Variants in LINGO2 observed in about 807,000 individuals in gnomAD.
LINGO2 encodes leucine rich repeat and Ig domain containing 2, also known as leucine-rich repeat and immunoglobulin-like domain-containing nogo receptor-interacting protein 2.
LINGO2 carries 14 observed loss-of-function variants against 30.6 expected under a neutral mutation model. The observed-to-expected ratio is 0.46, with a 90% confidence interval of 0.30 to 0.72. LINGO2 has a LOEUF of 0.72. Ranked by LOEUF, LINGO2 falls within the 30% of genes least tolerant of loss-of-function variation. The probability of loss-of-function intolerance (pLI) is 0.07; values close to 1 mark genes in which losing one functional copy is unlikely to be tolerated. For synonymous variants in LINGO2, 317 were observed against 288.5 expected (o/e 1.10, Z -1.00); for missense variants, 729 against 751.7 (o/e 0.97, Z 0.35).
At chr9:28,479,568 A>T (rs984117145) in intron 1 of LINGO2, among the ~76,000 whole-genome samples, 1 of 151,914 alleles carries the variant, frequency 6.6e-6, no homozygotes, top group African/African-American at 2.4e-5. Context: ...CAATTTTGAA[A>T]GAATGAAATA....
chr9:27,993,768 T>C (rs913905078), intron 5 of LINGO2, among the ~76,000 whole-genome samples: 15 of 152,110 alleles, frequency 9.9e-5, no homozygotes, highest in African/African-American at 3.4e-4. Context: ...CATTTACCCC[T>C]AGTACCTAGT....
Position 28,550,502 on chromosome 9 carries a change from C to A in LINGO2, c.-364-74477G>T, listed in dbSNP as rs112701859. On this transcript the variant is annotated intron_variant, in intron 1 of 5. Transcript: ENST00000379992. ...TTTTGTCTACTTTTAATTCAATACA[C>A]TTCTTAAACATATTTATTTTATTAT... Among the ~76,000 whole-genome samples, 472 of 151,846 alleles carry A rather than the reference C, an allele frequency of 3.1e-3. 8 individuals carry two copies. The highest frequency in any genetic ancestry group is 0.011 in the African/African-American group (450 of 41,514).
intron 4 of LINGO2, among the ~76,000 whole-genome samples, chr9:28,119,971 C>T (rs1827046776): frequency 6.6e-6 from 1 of 152,106 alleles, no homozygotes; most frequent in South Asian, 2.1e-4. Flanking sequence ...TCCCAACATA[C>T]CTATTGTGGA....
intron 2 of LINGO2, among the ~76,000 whole-genome samples, chr9:28,445,687 T>G (rs528237111): frequency 2.6e-4 from 39 of 152,312 alleles, no homozygotes; most frequent in Non-Finnish European, 4.4e-5. Context: ...TCAGAGAAAC[T>G]TGAAGTAATA....
chr9:29,189,002 CG>C, the LINGO2 span, among the ~76,000 whole-genome samples: 2 of 139,220 alleles, frequency 1.4e-5, no homozygotes, highest in African/African-American at 2.9e-5. Context: ...GCTGGCCGGG[CG>C]GGGGGCTGAC....
At chr9:28,887,555 AT>A in the LINGO2 span, among the ~76,000 whole-genome samples, 3 of 152,114 alleles carry the variant, frequency 2.0e-5, no homozygotes, top group Admixed American at 6.6e-5. Context: ...ACCTTATTGC[AT>A]TCTAGTAAGA....
At chr9:29,179,131 C>T in the LINGO2 span, among the ~76,000 whole-genome samples, 3 of 137,988 alleles carry the variant, frequency 2.2e-5, no homozygotes, top group Non-Finnish European at 4.6e-5. Flanking sequence ...AGAAAAGTAA[C>T]GTGATAAAAT....
chr9:29,139,831 T>A, the LINGO2 span, among the ~76,000 whole-genome samples: 24 of 151,864 alleles, frequency 1.6e-4, no homozygotes, highest in African/African-American at 5.8e-4. Flanking sequence ...CCCAAGGAAA[T>A]AGTTTCTGTC....
intron 5 of LINGO2, among the ~76,000 whole-genome samples, chr9:27,959,275 C>T (rs149553820): frequency 2.2e-4 from 33 of 152,002 alleles, no homozygotes; most frequent in African/African-American, 7.7e-4. Flanking sequence ...AATTTCTGTT[C>T]TTATCCTTAT....
the LINGO2 span, among the ~76,000 whole-genome samples, chr9:28,690,341 C>A: frequency 6.6e-6 from 1 of 152,240 alleles, no homozygotes; most frequent in East Asian, 1.9e-4. Flanking sequence ...CTAAGATGTA[C>A]CCAGATTCCT....
upstream of LINGO2, among the ~76,000 whole-genome samples, chr9:28,670,789 T>A (rs548545147): frequency 6.6e-6 from 1 of 152,098 alleles, no homozygotes; most frequent in East Asian, 1.9e-4. Context: ...TAAGTTAATA[T>A]GCAATATGGT....
intron 3 of LINGO2, among the ~76,000 whole-genome samples, chr9:28,325,493 T>C (rs1414001769): frequency 2.0e-5 from 3 of 152,086 alleles, no homozygotes; most frequent in Non-Finnish European, 4.4e-5. Flanking sequence ...GCTCCCATAA[T>C]TCCCACTGTG....
chr9:28,140,579 G>A (rs141799002), intron 4 of LINGO2, among the ~76,000 whole-genome samples: 7 of 152,232 alleles, frequency 4.6e-5, no homozygotes, highest in African/African-American at 1.7e-4. Flanking sequence ...TCTCACTGAA[G>A]GCTATCTTCA....
the LINGO2 span, among the ~76,000 whole-genome samples, chr9:28,920,299 T>C: frequency 6.6e-6 from 1 of 151,140 alleles, no homozygotes; most frequent in Non-Finnish European, 1.5e-5. Flanking sequence ...ACTAGTATAA[T>C]ATATATATAT....
the LINGO2 span, among the ~76,000 whole-genome samples, chr9:29,167,505 A>G: frequency 6.6e-6 from 1 of 152,174 alleles, no homozygotes; most frequent in Non-Finnish European, 1.5e-5. Flanking sequence ...TTCCTACACC[A>G]GTCAGCAAAA....
At position 28,104,255 on chromosome 9, in the gene LINGO2, G is replaced by GTTTTTTTTTTTTTTTTTTT. The variant is rs1453019033; in HGVS notation, c.-86-91851_-86-91850insAAAAAAAAAAAAAAAAAAA. ...AGGGATTTGCTTTTCCCCAGTACAA[G>GTTTTTTTTTTTTTTTTTTT]TTTTTTGTTTGTTTTTTTTTTTTTT... On this transcript the variant is annotated intron_variant, in intron 4 of 5. Transcript: ENST00000379992. 4.0e-5 allele frequency among the ~76,000 whole-genome samples: 3 copies of GTTTTTTTTTTTTTTTTTTT among 75,156 alleles called. 1 individual carries two copies. The highest frequency in any genetic ancestry group is 3.2e-4 in the Admixed American group (2 of 6,346). 49.3% of individuals were successfully genotyped at this position (75,156 alleles called of 152,430 possible). A position where few individuals can be genotyped will look rare whatever the true frequency, so the allele number is the denominator to read the frequency against.
intron 4 of LINGO2, among the ~76,000 whole-genome samples, chr9:28,146,080 A>G (rs1158912471): frequency 6.6e-6 from 1 of 152,246 alleles, no homozygotes; most frequent in East Asian, 1.9e-4. Flanking sequence ...ATCTCAAGAG[A>G]AAGTATTTTC....
At chr9:28,414,835 GGA>G (rs1436996077) in intron 2 of LINGO2, among the ~76,000 whole-genome samples, 2 of 151,988 alleles carry the variant, frequency 1.3e-5, no homozygotes, top group Non-Finnish European at 2.9e-5. Flanking sequence ...TATATCCTCA[GGA>G]GATCATTCAA....
intron 4 of LINGO2, among the ~76,000 whole-genome samples, chr9:28,073,085 C>G (rs528189488): frequency 7.2e-5 from 11 of 151,872 alleles, no homozygotes; most frequent in Admixed American, 1.3e-4. Flanking sequence ...TGACCTGGAC[C>G]TCAGTTAGAT....
Sources: gnomAD v4.1 joint callset for allele counts (sites outside exome capture counted in the v4.1 genomes callset) on GRCh38, gnomAD v4.1.1 for gene constraint, MANE v1.5 for transcripts, NCBI Gene and HGNC (gene_info 2026-07-23, HGNC 2026-07-21) for gene names.